Variants in TNFRSF25 observed in about 807,000 individuals in gnomAD.
TNFRSF25 encodes tumor necrosis factor receptor superfamily member 25.
TNFRSF25 carries 28 observed loss-of-function variants against 49.4 expected under a neutral mutation model. That is an observed-to-expected ratio of 0.57 (90% CI 0.42 to 0.78). The LOEUF is 0.78. Among genes scored for constraint, TNFRSF25 ranks in the 30% least tolerant of loss-of-function variants. The pLI is 0.00. For missense variants in TNFRSF25, 531 were observed against 581.6 expected, an observed-to-expected ratio of 0.91 and a Z score of 0.90; for synonymous variants, 240 against 234.2, an observed-to-expected ratio of 1.02 and a Z score of -0.23.
rs45510693 is a variant in TNFRSF25, at chr1:6,464,836, G to C, written c.296-117C>G. ...GACAGAAATAGGCGAAAGACAGACA[G>C]GTACAGGGCTACCCTAAAAAAGAGA... On this transcript the variant is annotated intron_variant, in intron 3 of 9. Transcript: ENST00000356876. The C allele has an allele frequency of 9.4e-4, 1,241 of 1,316,870 alleles. 14 individuals are homozygous for C. In the African/African-American group the frequency reaches 0.016, roughly 17 times the overall value. The allele number at this position is 1,316,870 out of a possible 1,614,324, so 81.6% of individuals were successfully genotyped here.
At position 6,461,926 on chromosome 1, in the gene TNFRSF25, T is replaced by C. The variant is rs2148556091; in HGVS notation, c.925+68A>G. The stretch of plus-strand genomic sequence containing the variant: ...TAGGGGGCAGAAAGGGAACACGTTG[T>C]GAAACCACAACTTCCCACCGCAGAC... On this transcript the variant is annotated intron_variant, in intron 9 of 9. Transcript: ENST00000356876. The surrounding 1 kb of genome is among the most constrained non-coding windows in gnomAD (Gnocchi z 6.3). 1 of 1,535,992 alleles carries C rather than the reference T, an allele frequency of 6.5e-7. No homozygotes were observed. The highest frequency in any genetic ancestry group is 2.3e-5 in the East Asian group (1 of 44,252).
At position 6,460,898 on chromosome 1, in the gene TNFRSF25, C is replaced by T. The variant is rs1238186846; in HGVS notation, c.*536G>A. ...CCCCATCCCGACCCTGTCTCCGCCA[C>T]CTCGCAGCCCCATTAAAGCGCTCTC... On this transcript the variant is annotated 3_prime_UTR_variant, in exon 10 of 10. Transcript: ENST00000356876. The T allele has an allele frequency of 2.9e-6, 1 of 340,074 alleles. No individual in the cohort carries two copies. Among genetic ancestry groups the T allele is most frequent in the East Asian group, 8.8e-5 (1 of 11,384 alleles). The allele number at this position is 340,074 out of a possible 1,614,324, so 21.1% of individuals were successfully genotyped here.
chr1:6,461,749 C>A lies in TNFRSF25; in HGVS notation c.939G>T (p.Ala313=). The A allele has an allele frequency of 6.5e-7, 1 of 1,530,244 alleles. No homozygotes were observed. Among genetic ancestry groups the A allele is most frequent in the Non-Finnish European group, 8.8e-7 (1 of 1,141,794 alleles). The allele number at this position is 1,530,244 out of a possible 1,614,324, so 94.8% of individuals were successfully genotyped here. ...CTGGGGACTCTGGCGAGAGTGTGGG[C>A]GCAGCAGCGGGGCCTGGGGCAGGGC... The part of the protein sequence containing the change: ...LPSRALGPAA[A]PTLSPESPAG... The change falls in exon 10 of 10, where the codon GCG becomes GCT. Residue 313 remains alanine (A), a synonymous_variant. Coordinates refer to ENST00000356876, the MANE Select transcript of TNFRSF25 (RefSeq NM_003790.3). The surrounding 1 kb of genome is among the most constrained non-coding windows in gnomAD (Gnocchi z 6.3).
chr1:6,463,503 G>A (rs1350107776), intron 5 of TNFRSF25: 2 of 221,304 alleles, frequency 9.0e-6, no homozygotes, highest in East Asian at 1.1e-4. Flanking sequence ...AAGGCGGGTG[G>A]ATCACGAGGT....
intron 5 of TNFRSF25, 72 bp from the exon 6 acceptor site, chr1:6,463,199 A>G (rs1006567029): frequency 7.5e-6 from 11 of 1,459,526 alleles, no homozygotes; most frequent in South Asian, 1.3e-5. Flanking sequence ...ACTGCCCAGC[A>G]TCTGCTCCAT....
In TNFRSF25 at chr1:6,461,431, G is replaced by T. The variant is rs1350302084; in HGVS notation, c.*3C>A. On this transcript the variant is annotated 3_prime_UTR_variant, in exon 10 of 10. Coordinates refer to ENST00000356876, the MANE Select transcript of TNFRSF25 (RefSeq NM_003790.3). The surrounding 1 kb of genome is among the most constrained non-coding windows in gnomAD (Gnocchi z 6.3). ...AGCGCCTAGGTGGCAAGTGGGCGCCGTGTCACGGGCCGCGCTGCAGGCGGC... is the reference window on the plus strand; with the variant it reads ...AGCGCCTAGGTGGCAAGTGGGCGCCTTGTCACGGGCCGCGCTGCAGGCGGC... 6.7e-7 allele frequency: 1 copy of T among 1,498,488 alleles called. No homozygotes were observed. The highest frequency in any genetic ancestry group is 8.9e-7 in the Non-Finnish European group (1 of 1,125,558). 92.8% of individuals were successfully genotyped at this position (1,498,488 alleles called of 1,614,324 possible).
At chr1:6,463,162 G>A (rs1233273928) in intron 5 of TNFRSF25, 35 bp from the exon 6 acceptor site, 1 of 1,547,500 alleles carries the variant, frequency 6.5e-7, no homozygotes, top group Non-Finnish European at 8.7e-7. Context: ...GGGATGAGGG[G>A]GTGCATGCCA....
chr1:6,461,363 A>C lies in TNFRSF25; in HGVS notation c.*71T>G. 1 of 1,458,764 alleles carries C rather than the reference A, an allele frequency of 6.9e-7. No homozygotes were observed. The highest frequency in any genetic ancestry group is 9.1e-7 in the Non-Finnish European group (1 of 1,093,410). The allele number at this position is 1,458,764 out of a possible 1,614,324, so 90.4% of individuals were successfully genotyped here. A position where few individuals can be genotyped will look rare whatever the true frequency, so the allele number is the denominator to read the frequency against. The stretch of plus-strand genomic sequence containing the variant: ...TTAATAAGTGACATAAAATGTCTAC[A>C]CGCATAAGTAACCGTACTTAGGGCT... On this transcript the variant is annotated 3_prime_UTR_variant, in exon 10 of 10. Coordinates refer to ENST00000356876, the MANE Select transcript of TNFRSF25 (RefSeq NM_003790.3). The surrounding 1 kb of genome is among the most constrained non-coding windows in gnomAD (Gnocchi z 6.3).
chr1:6,463,642 C>T (rs1020707820), intron 5 of TNFRSF25: 20 of 146,342 alleles, frequency 1.4e-4, no homozygotes, highest in African/African-American at 3.5e-4. Context: ...AGGAGAATCA[C>T]TTGAACCCAG....
rs45626039 is a variant in TNFRSF25 at position 6,465,765 on chromosome 1, C to G, written c.40-205G>C. ...ACCAGGCTTCGGAGGGGGCGCTTAC[C>G]AGCCCCTCACAAGTTTCCCCTCCAC... On this transcript the variant is annotated intron_variant, in intron 1 of 9. Coordinates refer to ENST00000356876, the MANE Select transcript of TNFRSF25 (RefSeq NM_003790.3). 3,911 of 1,427,260 alleles carry G rather than the reference C, an allele frequency of 2.7e-3. 85 individuals are homozygous for G. The African/African-American group carries it at 0.05, about 18-fold the overall frequency. 88.4% of individuals were successfully genotyped at this position (1,427,260 alleles called of 1,614,324 possible).
Position 6,461,809 on chromosome 1 carries a change from C to G in TNFRSF25, c.926-47G>C. ...CCAATTGGGGTACGTGGGCCGCGGT[C>G]GGGAGGCAGAGTCAGGGGCGTTCGT... On this transcript the variant is annotated intron_variant, in intron 9 of 9. Transcript: ENST00000356876. This position sits in a 1 kb window ranked among gnomAD's most constrained non-coding sequence, Gnocchi z 6.3. The G allele has an allele frequency of 6.8e-7, 1 of 1,465,108 alleles. No homozygotes were observed. The allele number at this position is 1,465,108 out of a possible 1,614,324, so 90.8% of individuals were successfully genotyped here. A position where few individuals can be genotyped will look rare whatever the true frequency, so the allele number is the denominator to read the frequency against.
rs1644185822 is a variant in TNFRSF25, at chr1:6,461,894, C to T, written c.925+100G>A. On this transcript the variant is annotated intron_variant, in intron 9 of 9. Transcript: ENST00000356876. This position sits in a 1 kb window ranked among gnomAD's most constrained non-coding sequence, Gnocchi z 6.3. ...GTGGGTCAGGGCATAGGGCGGACTCCGTCAGTTAGGGGGCAGAAAGGGAAC... is the reference window on the plus strand; with the variant it reads ...GTGGGTCAGGGCATAGGGCGGACTCTGTCAGTTAGGGGGCAGAAAGGGAAC... 6.7e-7 allele frequency: 1 copy of T among 1,490,676 alleles called. No homozygotes were observed. The highest frequency in any genetic ancestry group is 8.9e-7 in the Non-Finnish European group (1 of 1,123,898). The allele number at this position is 1,490,676 out of a possible 1,614,324, so 92.3% of individuals were successfully genotyped here.
chr1:6,462,062 G>T lies in TNFRSF25; in HGVS notation c.857C>A (p.Pro286His). The change falls in exon 9 of 10, where the codon CCC becomes CAC. Residue 286 changes from proline to histidine, a missense_variant. Transcript: ENST00000356876. The surrounding 1 kb of genome is among the most constrained non-coding windows in gnomAD (Gnocchi z 4.2). ...CGGGCAGAGCGCCTCCTGGGTCTCG[G>T]GGTAGCCAGGGGTCCAGCTGTTACC... is the stretch of plus-strand genomic sequence containing the variant. ...LVGNSWTPGYPETQEALCPQV... is the reference protein window; with the variant it reads ...LVGNSWTPGYHETQEALCPQV... 6.2e-7 allele frequency: 1 copy of T among 1,613,750 alleles called. No individual in the cohort carries two copies. Among genetic ancestry groups the T allele is most frequent in the Non-Finnish European group, 8.5e-7 (1 of 1,179,982 alleles).
intron 3 of TNFRSF25, 127 bp downstream of exon 3, chr1:6,464,961 A>G: frequency 7.1e-7 from 1 of 1,411,014 alleles, no homozygotes; most frequent in Non-Finnish European, 9.6e-7. Context: ...AAGGAGGATC[A>G]GGGTGGAGGG....
Position 6,462,822 on chromosome 1 carries a change from A to G in TNFRSF25, c.706+41T>C. 1 of 1,578,164 alleles carries G rather than the reference A, an allele frequency of 6.3e-7. No homozygotes were observed. The highest frequency in any genetic ancestry group is 1.3e-5 in the African/African-American group (1 of 74,214). ...AGTAGACTCTGGGCTACCCATCCTG[A>G]CCCCAGGCTTCTGGGTGCGTGTGTG... is the stretch of plus-strand genomic sequence containing the variant. On this transcript the variant is annotated intron_variant, in intron 7 of 9. Transcript: ENST00000356876. This position sits in a 1 kb window ranked among gnomAD's most constrained non-coding sequence, Gnocchi z 4.2.
In TNFRSF25 at chr1:6,461,286, G is replaced by T. The variant is rs944710666; in HGVS notation, c.*148C>A. 6 of 1,004,016 alleles carry T rather than the reference G, an allele frequency of 6.0e-6. No individual in the cohort carries two copies. In the Admixed American group the frequency reaches 6.0e-5, roughly 10 times the overall value. The allele number at this position is 1,004,016 out of a possible 1,614,324, so 62.2% of individuals were successfully genotyped here. A position where few individuals can be genotyped will look rare whatever the true frequency, so the allele number is the denominator to read the frequency against. ...CTTCGCCTTGGCTGGAGCGATAGGG[G>T]CGAGCAGGGGTGGGGCCGGCTGGTG... On this transcript the variant is annotated 3_prime_UTR_variant, in exon 10 of 10. Transcript: ENST00000356876. The surrounding 1 kb of genome is among the most constrained non-coding windows in gnomAD (Gnocchi z 6.3).
rs531450751 is a variant in TNFRSF25, at chr1:6,464,286, A to G, written c.542+89T>C. On this transcript the variant is annotated intron_variant, in intron 5 of 9. Coordinates refer to ENST00000356876, the MANE Select transcript of TNFRSF25 (RefSeq NM_003790.3). ...TCCCTCCTCCCTATCCCCTCTTCCT[A>G]TTCCTGAACCAGCAGCACCTGCCCC... 1.1e-4 allele frequency: 171 copies of G among 1,544,514 alleles called. No homozygotes were observed. In the East Asian group the frequency reaches 3.9e-3, roughly 36 times the overall value.
At chr1:6,465,627 C>T (rs1227669025) in intron 1 of TNFRSF25, 67 bp from the exon 2 acceptor site, 2 of 1,557,232 alleles carry the variant, frequency 1.3e-6, no homozygotes, top group Non-Finnish European at 1.7e-6. Context: ...GCTGCGTCTC[C>T]TCCATTTCAG....
At chr1:6,465,362 CCT>C in intron 2 of TNFRSF25, 76 bp downstream of exon 2, 1 of 1,604,216 alleles carries the variant, frequency 6.2e-7, no homozygotes, top group Non-Finnish European at 8.5e-7. Flanking sequence ...CTGCCAGCCT[CCT>C]CTTACCTCCC....
Sources: gnomAD v4.1 joint callset for allele counts on GRCh38, gnomAD v4.1.1 for gene constraint, Gnocchi (gnomAD v3.1) non-coding constraint, MANE v1.5 for transcripts, NCBI Gene and HGNC (gene_info 2026-07-23, HGNC 2026-07-21) for gene names.